Variants in ADAMTS10 observed in about 807,000 individuals in gnomAD.
The protein encoded by ADAMTS10 is ADAM metallopeptidase with thrombospondin type 1 motif 10.
In ADAMTS10, 48 loss-of-function variants were observed where a neutral mutation model predicts 135.9. The ratio of observed to expected loss-of-function variants is 0.35; its 90% CI spans 0.28 to 0.45. The LOEUF is 0.45. Ranked by LOEUF, ADAMTS10 falls within the 20% of genes least tolerant of loss-of-function variation. The pLI, the probability that ADAMTS10 is intolerant of heterozygous loss-of-function variation, is 1.00. For synonymous variants in ADAMTS10, 621 were observed against 647.5 expected, an observed-to-expected ratio of 0.96 and a Z score of 0.62; for missense variants, 1,131 against 1,565.2, an observed-to-expected ratio of 0.72 and a Z score of 4.68.
chr19:8,592,627 G>C (rs1476698792), intron 13 of ADAMTS10, 136 bp downstream of exon 13: 4 of 908,572 alleles, frequency 4.4e-6, no homozygotes, highest in Non-Finnish European at 5.1e-6. Context: ...GGCCACAGCC[G>C]AGGGAGCACA....
Position 8,589,481 on chromosome 19 carries a change from C to T in ADAMTS10, c.2005G>A (p.Val669Met), listed in dbSNP as rs144596955. 6.2e-7 allele frequency: 1 copy of T among 1,613,684 alleles called. No individual in the cohort carries two copies. The highest frequency in any genetic ancestry group is 8.5e-7 in the Non-Finnish European group (1 of 1,179,938). Residue 669 changes from valine to methionine, a missense_variant, in exon 17 of 26, where the codon GTG (valine) becomes ATG (methionine). Physicochemically the swap from Val to Met is conservative, Grantham distance 21. This residue lies in a region of ADAMTS10 where 745 missense variants were observed against 1,056.3 expected (regional missense o/e 0.71). Coordinates refer to ENST00000597188, the MANE Select transcript of ADAMTS10 (RefSeq NM_030957.4). ...VDGTPCRPDT[V>M]DICVSGECKH... ...CATTCGCCACTGACGCAAATGTCCA[C>T]CGTGTCTGGACGGCAGGGTGTCCCG...
At chr19:8,599,262 G>A (rs1337600052) in intron 6 of ADAMTS10, among the ~76,000 whole-genome samples, 3 of 152,122 alleles carry the variant, frequency 2.0e-5, no homozygotes, top group South Asian at 2.1e-4. Flanking sequence ...AGAATGCTGC[G>A]TGAATACGGA....
chr19:8,586,034 G>A, intron 22 of ADAMTS10, 88 bp downstream of exon 22: 20 of 1,599,878 alleles, frequency 1.3e-5, no homozygotes, highest in Non-Finnish European at 1.7e-5. Flanking sequence ...GCACTAATCT[G>A]CTCCCCACCC....
At position 8,592,019 on chromosome 19, in the gene ADAMTS10, C is replaced by T; in HGVS notation, c.1672G>A (p.Asp558Asn). Reference protein sequence around the residue: ...GAWGPWTPWGDCSRTCGGGVS... With the variant: ...GAWGPWTPWGNCSRTCGGGVS... ...CCGCCGCCACAGGTCCGGCTGCAGT[C>T]GCCCCATGGAGTCCACGGCCCCCAG... Residue 558 changes from aspartate (D) to asparagine (N), a missense_variant, in exon 14 of 26, where the codon GAC becomes AAC. By Grantham distance (23) the Asp-to-Asn change is conservative. Around this residue, in one of 3 missense-constraint regions of ADAMTS10, gnomAD observed 745 missense variants for 1,056.3 expected, o/e 0.71. Coordinates refer to ENST00000597188, the MANE Select transcript of ADAMTS10 (RefSeq NM_030957.4). 6.2e-7 allele frequency: 1 copy of T among 1,613,786 alleles called. No individual in the cohort carries two copies. The highest frequency in any genetic ancestry group is 8.5e-7 in the Non-Finnish European group (1 of 1,179,890).
chr19:8,586,330 A>AC lies in ADAMTS10; in HGVS notation c.2530+13dup. On this transcript the variant is annotated intron_variant, in intron 21 of 25. Transcript: ENST00000597188. Reference sequence around the variant, plus strand: ...GCCCAGGTATCTTGTGCCTTCCCCCACCCCCGGCCTCACCGCCTGCACACT... The same window carrying AC: ...GCCCAGGTATCTTGTGCCTTCCCCCACCCCCCGGCCTCACCGCCTGCACACT... 1.2e-6 allele frequency: 2 copies of AC among 1,612,042 alleles called. No individual in the cohort carries two copies. The highest frequency in any genetic ancestry group is 1.7e-6 in the Non-Finnish European group (2 of 1,179,418).
chr19:8,589,840 C>G, intron 16 of ADAMTS10, 49 bp downstream of exon 16: 1 of 1,566,838 alleles, frequency 6.4e-7, no homozygotes, highest in Non-Finnish European at 8.8e-7. Flanking sequence ...GCTGGACACT[C>G]CCACGGCTGC....
At chr19:8,609,121 C>CGT (rs1364730269) in intron 1 of ADAMTS10, among the ~76,000 whole-genome samples, 2 of 150,036 alleles carry the variant, frequency 1.3e-5, no homozygotes, top group Admixed American at 6.7e-5. Flanking sequence ...TGCACTGTGG[C>CGT]GTGTGTGTGT....
intron 15 of ADAMTS10, among the ~76,000 whole-genome samples, chr19:8,591,232 G>A (rs1600103368): frequency 6.6e-6 from 1 of 152,014 alleles, no homozygotes; most frequent in Non-Finnish European, 1.5e-5. Flanking sequence ...ATGGTAGGGG[G>A]TTGTGAGGGC....
chr19:8,596,719 G>C lies in ADAMTS10; in HGVS notation c.1041-134C>G. 1 of 1,174,248 alleles carries C rather than the reference G, an allele frequency of 8.5e-7. No individual in the cohort carries two copies. Among genetic ancestry groups the C allele is most frequent in the Non-Finnish European group, 1.2e-6 (1 of 821,650 alleles). 72.7% of individuals were successfully genotyped at this position (1,174,248 alleles called of 1,614,324 possible). The stretch of plus-strand genomic sequence containing the variant: ...GCCTCTCACCTGAAGCTGCATACAG[G>C]AGTGACTGACCACATGAATGAATGA... On this transcript the variant is annotated intron_variant, in intron 8 of 25. Transcript: ENST00000597188. This position sits in a 1 kb window ranked among gnomAD's most constrained non-coding sequence, Gnocchi z 7.2.
At chr19:8,583,572 C>A (rs920635866) in intron 25 of ADAMTS10, among the ~76,000 whole-genome samples, 1 of 151,524 alleles carries the variant, frequency 6.6e-6, no homozygotes, top group Non-Finnish European at 1.5e-5. Flanking sequence ...TACAGCCAGG[C>A]GCAGTGGCTC....
Position 8,580,660 on chromosome 19 carries a change from G to C in ADAMTS10, c.*233C>G. 1.9e-6 allele frequency: 1 copy of C among 527,598 alleles called. No homozygotes were observed. Among genetic ancestry groups the C allele is most frequent in the Non-Finnish European group, 3.4e-6 (1 of 291,064 alleles). 32.7% of individuals were successfully genotyped at this position (527,598 alleles called of 1,614,324 possible). A position where few individuals can be genotyped will look rare whatever the true frequency, so the allele number is the denominator to read the frequency against. ...CTCCCCAGACCCACCCTGGAGGGGG[G>C]GTCTCACTATGTGAACTGGAAGGGG... is the stretch of plus-strand genomic sequence containing the variant. On this transcript the variant is annotated 3_prime_UTR_variant, in exon 26 of 26. Transcript: ENST00000597188.
chr19:8,608,550 T>C (rs1329156484), intron 1 of ADAMTS10, among the ~76,000 whole-genome samples: 1 of 152,108 alleles, frequency 6.6e-6, no homozygotes, highest in Non-Finnish European at 1.5e-5. Context: ...GAGCCACCCC[T>C]GAAAGGTAGG....
intron 22 of ADAMTS10, among the ~76,000 whole-genome samples, 188 bp downstream of exon 22, chr19:8,585,934 C>T (rs2042421968): frequency 1.3e-5 from 2 of 152,130 alleles, no homozygotes; most frequent in Non-Finnish European, 2.9e-5. Context: ...CAGCTTTGAC[C>T]GCCACCTTGG....
At position 8,600,793 on chromosome 19, in the gene ADAMTS10, C is replaced by A. The variant is rs549265606; in HGVS notation, c.810+135G>T. On this transcript the variant is annotated intron_variant, in intron 6 of 25. Coordinates refer to ENST00000597188, the MANE Select transcript of ADAMTS10 (RefSeq NM_030957.4). ...GATTACAGGTGTGAGCCACCGCGCCCGGCCTGCAACCTTCCTTTCTACCCC... is the reference window on the plus strand; with the variant it reads ...GATTACAGGTGTGAGCCACCGCGCCAGGCCTGCAACCTTCCTTTCTACCCC... 4.3e-6 allele frequency: 5 copies of A among 1,153,108 alleles called. No individual in the cohort carries two copies. In the South Asian group the frequency reaches 5.1e-5, roughly 12 times the overall value. 71.4% of individuals were successfully genotyped at this position (1,153,108 alleles called of 1,614,324 possible).
chr19:8,586,797 C>A lies in ADAMTS10; in HGVS notation c.2239+19G>T. ...CCCACTGACCCCTAATCCTCATCCC[C>A]TCCCCACCATCTGCTCACCCAAGTG... On this transcript the variant is annotated intron_variant, in intron 19 of 25. Coordinates refer to ENST00000597188, the MANE Select transcript of ADAMTS10 (RefSeq NM_030957.4). 1 of 1,614,110 alleles carries A rather than the reference C, an allele frequency of 6.2e-7. No individual in the cohort carries two copies. Among genetic ancestry groups the A allele is most frequent in the Non-Finnish European group, 8.5e-7 (1 of 1,180,028 alleles).
At chr19:8,592,608 A>T (rs1406333610) in intron 13 of ADAMTS10, among the ~76,000 whole-genome samples, 155 bp downstream of exon 13, 2 of 151,188 alleles carry the variant, frequency 1.3e-5, no homozygotes, top group Non-Finnish European at 2.9e-5. Context: ...AGGAGCAAGC[A>T]GTAGGCGTGG....
Position 8,580,486 on chromosome 19 carries a change from A to C in ADAMTS10, c.*407T>G. Reference sequence around the variant, plus strand: ...CAGATTCCCCCCCAGCTCGGAGTGGAGGGGTAGGGCAGTGCTGGGGGGCAG... The same window carrying C: ...CAGATTCCCCCCCAGCTCGGAGTGGCGGGGTAGGGCAGTGCTGGGGGGCAG... On this transcript the variant is annotated 3_prime_UTR_variant, in exon 26 of 26. Coordinates refer to ENST00000597188, the MANE Select transcript of ADAMTS10 (RefSeq NM_030957.4). 1 of 164,994 alleles carries C rather than the reference A, an allele frequency of 6.1e-6. No homozygotes were observed. Among genetic ancestry groups the C allele is most frequent in the South Asian group, 1.2e-4 (1 of 8,334 alleles). 10.2% of individuals were successfully genotyped at this position (164,994 alleles called of 1,614,324 possible).
chr19:8,595,795 C>T lies in ADAMTS10; in HGVS notation c.1446G>A (p.Gln482=). 1 of 1,613,700 alleles carries T rather than the reference C, an allele frequency of 6.2e-7. No individual in the cohort carries two copies. Among genetic ancestry groups the T allele is most frequent in the African/African-American group, 1.3e-5 (1 of 75,004 alleles). Residue 482 remains glutamine, a synonymous_variant, in exon 12 of 26, where the codon CAG becomes CAA. Transcript: ENST00000597188. ...AYDADEQCRF[Q]HGVKSRQCKY... is the part of the protein sequence containing the mutation. The stretch of plus-strand genomic sequence containing the variant: ...TACACTGACGCGATTTGACTCCATG[C>T]TGAAAGCGGCATTGCTCATCTGCAT...
chr19:8,589,620 G>T (rs782158406), intron 16 of ADAMTS10, 35 bp from the exon 17 acceptor site: 4 of 1,612,152 alleles, frequency 2.5e-6, no homozygotes, highest in Non-Finnish European at 3.4e-6. Context: ...CACGGGCCAG[G>T]CCACCCCGGA....
Sources: allele counts gnomAD v4.1 joint callset (sites outside exome capture counted in the v4.1 genomes callset), GRCh38; gene constraint gnomAD v4.1.1; regional missense constraint gnomAD v4.1.1; non-coding constraint Gnocchi (gnomAD v3.1); transcripts MANE v1.5; gene names NCBI Gene and HGNC (gene_info 2026-07-23, HGNC 2026-07-21).